The following NCKAP5 variants were observed in gnomAD, a reference collection of about 807,000 sequenced individuals.
The protein encoded by NCKAP5 is nck-associated protein 5.
Under a neutral mutation model 167.0 loss-of-function variants are expected in NCKAP5, and 92 were observed. The observed-to-expected ratio is 0.55, with a 90% confidence interval of 0.47 to 0.66. NCKAP5 has a LOEUF of 0.66. Ranked by LOEUF, NCKAP5 falls within the 30% of genes least tolerant of loss-of-function variation. The pLI is 0.00. For synonymous variants in NCKAP5, 891 were observed against 877.4 expected (o/e 1.02, Z -0.27); for missense variants, 2,378 against 2,315.0 (o/e 1.03, Z -0.56).
intron 4 of NCKAP5, among the ~76,000 whole-genome samples, chr2:133,214,173 C>A (rs998966824): frequency 1.3e-5 from 2 of 152,040 alleles, no homozygotes; most frequent in African/African-American, 4.8e-5. Flanking sequence ...TATTAAGAAG[C>A]AAACAAAATA....
rs1399187471 is a variant in NCKAP5 at position 132,784,055 on chromosome 2, C to A, written c.2756G>T (p.Gly919Val). 1.3e-6 allele frequency: 2 copies of A among 1,532,280 alleles called. No individual in the cohort carries two copies. The highest frequency in any genetic ancestry group is 1.7e-6 in the Non-Finnish European group (2 of 1,143,398). The allele number at this position is 1,532,280 out of a possible 1,614,324, so 94.9% of individuals were successfully genotyped here. A position where few individuals can be genotyped will look rare whatever the true frequency, so the allele number is the denominator to read the frequency against. ...PPTRDEHCGS[G>V]PEAGVKSPSP... ...AGGGGATTTCACCCCTGCCTCCGGC[C>A]CAGAGCCACAGTGTTCATCCCTCGT... The change falls in exon 14 of 20, where the codon GGG becomes GTG. Residue 919 changes from glycine (G) to valine (V), a missense_variant. Transcript: ENST00000409261.
intron 3 of NCKAP5, among the ~76,000 whole-genome samples, chr2:133,447,083 G>C (rs1691242121): frequency 6.6e-6 from 1 of 152,144 alleles, no homozygotes. Flanking sequence ...TGGAAAACAT[G>C]CCAGGAAATG....
the NCKAP5 span, among the ~76,000 whole-genome samples, chr2:133,594,369 C>T: frequency 6.6e-6 from 1 of 152,188 alleles, no homozygotes. Flanking sequence ...CTCCTATCAT[C>T]TCTCTTCTTG....
At chr2:132,956,384 G>C (rs1311204951) in intron 8 of NCKAP5, among the ~76,000 whole-genome samples, 3 of 152,168 alleles carry the variant, frequency 2.0e-5, no homozygotes, top group Non-Finnish European at 4.4e-5. Context: ...GAAAAATACA[G>C]ATGGTCAGTT....
intron 16 of NCKAP5, among the ~76,000 whole-genome samples, chr2:132,763,075 C>T (rs902935700): frequency 3.3e-5 from 5 of 152,110 alleles, no homozygotes; most frequent in Non-Finnish European, 5.9e-5. Context: ...AGGAAGGTGA[C>T]TGGTGCGTTT....
chr2:133,117,783 G>A (rs1559156258), intron 6 of NCKAP5: 1 of 152,162 alleles, frequency 6.6e-6, no homozygotes, highest in African/African-American at 2.4e-5. Context: ...GGTGACCGCT[G>A]GGCTTCAGGA....
At chr2:132,959,041 ATAT>A (rs1315230975) in intron 8 of NCKAP5, among the ~76,000 whole-genome samples, 1 of 147,412 alleles carries the variant, frequency 6.8e-6, no homozygotes, top group African/African-American at 2.5e-5. Flanking sequence ...CTATTATTAA[ATAT>A]TATATTATTT....
At chr2:133,547,600 A>AC (rs1299855293) in intron 2 of NCKAP5, among the ~76,000 whole-genome samples, 1 of 147,298 alleles carries the variant, frequency 6.8e-6, no homozygotes, top group African/African-American at 2.5e-5. Context: ...ACTGGGAGGC[A>AC]CCCCCCAGCA....
chr2:133,195,738 T>C (rs1007365165), intron 5 of NCKAP5, among the ~76,000 whole-genome samples: 1 of 152,178 alleles, frequency 6.6e-6, no homozygotes, highest in Non-Finnish European at 1.5e-5. Flanking sequence ...CCAAGGCAAT[T>C]CAACCCATAA....
intron 5 of NCKAP5, among the ~76,000 whole-genome samples, chr2:133,179,060 C>T (rs139303889): frequency 2.6e-5 from 4 of 152,108 alleles, no homozygotes; most frequent in Admixed American, 1.3e-4. Flanking sequence ...CCTAGCTACT[C>T]AGGAGGCTGA....
chr2:132,921,085 G>T (rs1021932988), intron 8 of NCKAP5, among the ~76,000 whole-genome samples: 2 of 151,600 alleles, frequency 1.3e-5, no homozygotes, highest in African/African-American at 4.9e-5. Flanking sequence ...TCCCAGAGAG[G>T]ATCTTCTCAT....
chr2:132,971,783 C>A (rs1294988607), intron 7 of NCKAP5, among the ~76,000 whole-genome samples: 1 of 152,122 alleles, frequency 6.6e-6, no homozygotes, highest in African/African-American at 2.4e-5. Context: ...CCACCAGCAT[C>A]AGAGTTGACA....
At chr2:133,622,379 G>GA in the NCKAP5 span, among the ~76,000 whole-genome samples, 1 of 152,164 alleles carries the variant, frequency 6.6e-6, no homozygotes, top group African/African-American at 2.4e-5. Flanking sequence ...TGTATACCTA[G>GA]AAAACCCTAA....
At chr2:133,385,817 T>G (rs1431467670) in intron 3 of NCKAP5, among the ~76,000 whole-genome samples, 1 of 152,210 alleles carries the variant, frequency 6.6e-6, no homozygotes, top group African/African-American at 2.4e-5. Context: ...TCTTCTAGAT[T>G]TTCTAGTTTA....
intron 1 of NCKAP5, among the ~76,000 whole-genome samples, chr2:133,567,253 T>G (rs1220036352): frequency 6.6e-6 from 1 of 152,180 alleles, no homozygotes; most frequent in Non-Finnish European, 1.5e-5. Context: ...AGCTGGTAGC[T>G]TGAAGGACAG....
chr2:133,353,814 C>T (rs902450812), intron 3 of NCKAP5, among the ~76,000 whole-genome samples: 9 of 152,236 alleles, frequency 5.9e-5, no homozygotes, highest in Non-Finnish European at 7.4e-5. Context: ...GATCATCTTC[C>T]GACTCCATCC....
rs1414157039 is a variant in NCKAP5, at chr2:133,468,499, T to A, written c.69+48959A>T. ...AAATGTATATTCTGTTGATTTGGGG[T>A]GGAGAGTTCTGTAGATGTCTATTAG... On this transcript the variant is annotated intron_variant, in intron 3 of 19. Transcript: ENST00000409261. Among the ~76,000 whole-genome samples, 3 of 151,912 alleles carry A rather than the reference T, an allele frequency of 2.0e-5. No individual in the cohort carries two copies. The East Asian group carries it at 5.9e-4, about 30-fold the overall frequency.
chr2:132,913,131 G>A (rs1367829905), intron 8 of NCKAP5, among the ~76,000 whole-genome samples: 2 of 151,818 alleles, frequency 1.3e-5, no homozygotes, highest in East Asian at 3.9e-4. Context: ...ATATGCCCTG[G>A]TGATCGTAGC....
chr2:133,002,686 A>T (rs953945717), intron 6 of NCKAP5, among the ~76,000 whole-genome samples: 1 of 151,792 alleles, frequency 6.6e-6, no homozygotes, highest in Non-Finnish European at 1.5e-5. Context: ...GCCTAAGGAA[A>T]CCCTCCCTTC....
Sources: allele counts gnomAD v4.1 joint callset (sites outside exome capture counted in the v4.1 genomes callset), GRCh38; gene constraint gnomAD v4.1.1; transcripts MANE v1.5; gene names NCBI Gene and HGNC (gene_info 2026-07-23, HGNC 2026-07-21).